NBPF20: variants seen among roughly 807,000 people sequenced by gnomAD.
NBPF20 encodes the protein NBPF member 20.
A neutral mutation model predicts 68.1 loss-of-function variants in NBPF20; 90 were observed. The ratio of observed to expected loss-of-function variants is 1.32; its 90% CI spans 1.11 to 1.58. The LOEUF (loss-of-function observed/expected upper bound fraction) is 1.58. Among genes scored for constraint, NBPF20 ranks in the 40% most tolerant of loss-of-function variants. NBPF20 has a pLI of 0.00. For missense variants in NBPF20, 816 were observed against 601.2 expected, an observed-to-expected ratio of 1.36 and a Z score of -3.74; for synonymous variants, 290 against 228.1, an observed-to-expected ratio of 1.27 and a Z score of -2.45.
chr1:145,419,004 C>T, the NBPF20 span, among the ~76,000 whole-genome samples: 1 of 137,318 alleles, frequency 7.3e-6, no homozygotes, highest in Non-Finnish European at 1.6e-5. Flanking sequence ...AAAGAGAGAG[C>T]ATGAGAGACA....
chr1:145,406,085 A>AT (rs587699811), upstream of NBPF20, among the ~76,000 whole-genome samples: 7,151 of 117,594 alleles, frequency 0.061, 274 homozygotes, highest in African/African-American at 0.12. Context: ...CGCCCGGCTA[A>AT]TTTTTTTTTT....
the NBPF20 span, among the ~76,000 whole-genome samples, chr1:145,424,503 T>C: frequency 1.3e-5 from 2 of 152,218 alleles, no homozygotes; most frequent in Non-Finnish European, 2.9e-5. Flanking sequence ...TTTCTTTAAC[T>C]TCGTGAAGCA....
chr1:145,396,784 A>G lies in NBPF20; in HGVS notation c.828-1643T>C, dbSNP rs1175263759. On this transcript the variant is annotated intron_variant, in intron 7 of 137. Transcript: ENST00000369373. ...TATATATATATATACAGATATATAT[A>G]ATACTTTAAGTCTTAGGGTACATGT... is the stretch of plus-strand genomic sequence containing the variant. Among the ~76,000 whole-genome samples, 5 of 150,062 alleles carry G rather than the reference A, an allele frequency of 3.3e-5. No individual in the cohort carries two copies. In the East Asian group the frequency reaches 7.8e-4, roughly 24 times the overall value.
exon 138 of NBPF20, chr1:145,291,430 C>G (rs1661075334): frequency 1.2e-6 from 2 of 1,609,844 alleles, no homozygotes; most frequent in African/African-American, 1.3e-5. Context: ...CATCCTATGT[C>G]TGGGCTTCCA....
the NBPF20 span, among the ~76,000 whole-genome samples, chr1:145,421,771 T>C: frequency 1.3e-5 from 2 of 152,226 alleles, no homozygotes. Context: ...CCAGCGGTGA[T>C]GGCTTATGCC....
At chr1:145,397,726 A>T (rs1479026663) in intron 7 of NBPF20, among the ~76,000 whole-genome samples, 1 of 152,254 alleles carries the variant, frequency 6.6e-6, no homozygotes, top group Non-Finnish European at 1.5e-5. Flanking sequence ...TCAAATTCAC[A>T]CATAACAATA....
chr1:145,298,353 C>G (rs1571346220), intron 129 of NBPF20, among the ~76,000 whole-genome samples: 2 of 142,216 alleles, frequency 1.4e-5, no homozygotes, highest in Admixed American at 1.4e-4. Context: ...CACACACACA[C>G]ACAGACACAC....
exon 138 of NBPF20, chr1:145,291,422 T>C (rs1204908429): frequency 6.2e-7 from 1 of 1,608,524 alleles, no homozygotes; most frequent in Non-Finnish European, 8.5e-7. Context: ...CACTGACCCA[T>C]CCTATGTCTG....
At chr1:145,409,983 G>A (rs587751811), upstream of NBPF20, among the ~76,000 whole-genome samples, 73 of 152,018 alleles carry the variant, frequency 4.8e-4, 1 homozygote, top group African/African-American at 7.7e-4. Flanking sequence ...ACAGCATCCC[G>A]CCCCTCAGGT....
rs1553662991 is a variant in NBPF20 at position 145,393,893 on chromosome 1, G to C, written c.1034C>G (p.Thr345Arg). ...AATTTCTCAGACTCACCTGGGACCT[G>C]TTGCCTCTTGGTCCTCCTTTTTCAC... is the stretch of plus-strand genomic sequence containing the variant. Residue 345 changes from threonine (T) to arginine (R), a missense_variant, in exon 9 of 138, where the codon ACA (threonine) becomes AGA (arginine). Thr to Arg is a moderately conservative substitution (Grantham distance 71, BLOSUM62 -1). Transcript: ENST00000369373. The C allele has an allele frequency of 2.6e-6, 4 of 1,540,628 alleles. No individual in the cohort carries two copies. In the South Asian group the frequency reaches 4.5e-5, roughly 17 times the overall value.
intron 7 of NBPF20, among the ~76,000 whole-genome samples, chr1:145,396,689 G>C (rs1196634804): frequency 6.7e-5 from 10 of 149,524 alleles, no homozygotes; most frequent in Non-Finnish European, 1.0e-4. Flanking sequence ...GAGAGTGGGA[G>C]CAATATTCAA....
rs587662861 is a variant in NBPF20, at chr1:145,291,471, C to A, written c.*55G>T. ...AACTGTACTTTCATTCAAATCTTCACGTGCCTATAGGTCCTGCCTGCAGGA... is the reference window on the plus strand; with the variant it reads ...AACTGTACTTTCATTCAAATCTTCAAGTGCCTATAGGTCCTGCCTGCAGGA... On this transcript the variant is annotated 3_prime_UTR_variant, in exon 138 of 138. Transcript: ENST00000369373. The A allele has an allele frequency of 1.4e-5, 23 of 1,611,586 alleles. No homozygotes were observed. The East Asian group carries it at 3.1e-4, about 22-fold the overall frequency.
At chr1:145,403,195 G>C in intron 3 of NBPF20, 21 bp downstream of exon 8, 8 of 1,612,184 alleles carry the variant, frequency 5.0e-6, no homozygotes, top group South Asian at 3.3e-5. Flanking sequence ...CCCCCTGCCT[G>C]CCACCATGGG....
At chr1:145,405,963 G>C (rs1232262987), upstream of NBPF20, among the ~76,000 whole-genome samples, 5 of 150,106 alleles carry the variant, frequency 3.3e-5, no homozygotes, top group African/African-American at 9.8e-5. Flanking sequence ...CTGTCGCCCA[G>C]GCTGGAGTGC....
At chr1:145,421,819 T>A in the NBPF20 span, among the ~76,000 whole-genome samples, 1 of 152,060 alleles carries the variant, frequency 6.6e-6, no homozygotes, top group Non-Finnish European at 1.5e-5. Flanking sequence ...GGTGGGAGGA[T>A]CATTTGAGCC....
At chr1:145,413,349 A>C in the NBPF20 span, among the ~76,000 whole-genome samples, 1 of 149,330 alleles carries the variant, frequency 6.7e-6, no homozygotes, top group African/African-American at 2.4e-5. Flanking sequence ...TATGTCCAGA[A>C]AATGATTTAT....
At position 145,378,029 on chromosome 1, in the gene NBPF20, T is replaced by C. The variant is rs1461409785; in HGVS notation, c.3464+14A>G. ...TCGACACAGAATTAAGCATCCATAA[T>C]TGCTCAAAGTTACCTGGGGCATGAT... On this transcript the variant is annotated intron_variant, in intron 29 of 137. Transcript: ENST00000369373. 2.1e-4 allele frequency: 95 copies of C among 445,508 alleles called. 11 individuals are homozygous for C. The highest frequency in any genetic ancestry group is 2.8e-4 in the Non-Finnish European group (71 of 257,746). The allele number at this position is 445,508 out of a possible 1,614,324, so 27.6% of individuals were successfully genotyped here. A position where few individuals can be genotyped will look rare whatever the true frequency, so the allele number is the denominator to read the frequency against.
chr1:145,419,536 C>T, the NBPF20 span, among the ~76,000 whole-genome samples: 1 of 152,114 alleles, frequency 6.6e-6, no homozygotes, highest in Non-Finnish European at 1.5e-5. Flanking sequence ...CGCAACCTTT[C>T]CTGCTGCTCC....
the NBPF20 span, among the ~76,000 whole-genome samples, chr1:145,410,967 GTATC>G: frequency 3.5e-5 from 5 of 142,272 alleles, no homozygotes; most frequent in South Asian, 2.2e-4. Flanking sequence ...ATACATGTGA[GTATC>G]TATTTCTGGA....
Sources: allele counts gnomAD v4.1 joint callset (sites outside exome capture counted in the v4.1 genomes callset), GRCh38; gene constraint gnomAD v4.1.1; transcripts MANE v1.5; gene names NCBI Gene and HGNC (gene_info 2026-07-23, HGNC 2026-07-21).